The following ABHD17C variants were observed in gnomAD, a reference collection of about 807,000 sequenced individuals.
ABHD17C encodes alpha/beta hydrolase domain-containing protein 17C.
A neutral mutation model predicts 27.9 loss-of-function variants in ABHD17C; 11 were observed. The observed-to-expected ratio is 0.39, with a 90% CI of 0.25 to 0.65. ABHD17C has a LOEUF of 0.65. Ranked by LOEUF, ABHD17C falls within the 30% of genes least tolerant of loss-of-function variation. The pLI is 0.45. For missense variants in ABHD17C, 280 were observed against 470.2 expected, an observed-to-expected ratio of 0.60 and a Z score of 3.74; for synonymous variants, 233 against 209.1, an observed-to-expected ratio of 1.11 and a Z score of -0.98.
At chr15:80,700,628 C>T (rs1034649842) in intron 1 of ABHD17C, among the ~76,000 whole-genome samples, 3 of 152,048 alleles carry the variant, frequency 2.0e-5, no homozygotes, top group Non-Finnish European at 4.4e-5. Context: ...CTGGGTGTGG[C>T]GGCTCATACC....
intron 1 of ABHD17C, among the ~76,000 whole-genome samples, chr15:80,723,654 C>T (rs568409494): frequency 9.8e-5 from 15 of 152,294 alleles, no homozygotes; most frequent in East Asian, 7.7e-4. Flanking sequence ...TTAGGTCAAG[C>T]GGATGTTTGC....
intron 1 of ABHD17C, among the ~76,000 whole-genome samples, chr15:80,713,075 C>A (rs1894748622): frequency 1.3e-5 from 2 of 151,854 alleles, no homozygotes; most frequent in African/African-American, 4.8e-5. Flanking sequence ...CTTATTACTA[C>A]TTTGTAAGTC....
At chr15:80,696,925 C>G (rs1251714945) in intron 1 of ABHD17C, among the ~76,000 whole-genome samples, 3 of 152,108 alleles carry the variant, frequency 2.0e-5, no homozygotes, top group East Asian at 1.9e-4. Flanking sequence ...TCCGACCTGC[C>G]TCATAGCAGT....
At chr15:80,717,586 A>G (rs531139192) in intron 1 of ABHD17C, among the ~76,000 whole-genome samples, 48 of 152,062 alleles carry the variant, frequency 3.2e-4, no homozygotes, top group Non-Finnish European at 6.0e-4. Context: ...TATTTTCATC[A>G]TGTTAGCCAG....
At chr15:80,753,841 A>T (rs867169557) in intron 2 of ABHD17C, among the ~76,000 whole-genome samples, 1 of 152,240 alleles carries the variant, frequency 6.6e-6, no homozygotes, top group Non-Finnish European at 1.5e-5. Flanking sequence ...CTGTTATGAT[A>T]TGTTAATGTA....
At chr15:80,710,918 A>G (rs548792996) in intron 1 of ABHD17C, among the ~76,000 whole-genome samples, 1 of 152,172 alleles carries the variant, frequency 6.6e-6, no homozygotes, top group East Asian at 1.9e-4. Flanking sequence ...TGAGTGGCTC[A>G]GGATTGTGGG....
At chr15:80,735,854 C>G (rs1414661765) in intron 1 of ABHD17C, among the ~76,000 whole-genome samples, 1 of 135,962 alleles carries the variant, frequency 7.4e-6, no homozygotes, top group Non-Finnish European at 1.6e-5. Context: ...ATCTCATTTC[C>G]TTCATTATTT....
intron 1 of ABHD17C, among the ~76,000 whole-genome samples, chr15:80,724,359 T>A (rs1392571749): frequency 2.0e-5 from 3 of 152,034 alleles, no homozygotes; most frequent in African/African-American, 7.2e-5. Flanking sequence ...AAAAAACCCC[T>A]TATCATTTGT....
intron 1 of ABHD17C, among the ~76,000 whole-genome samples, chr15:80,728,283 T>C (rs879276593): frequency 1.3e-5 from 2 of 152,190 alleles, no homozygotes; most frequent in South Asian, 2.1e-4. Flanking sequence ...CTCACCTACC[T>C]ACAAACTCAC....
intron 1 of ABHD17C, among the ~76,000 whole-genome samples, chr15:80,711,577 G>A (rs546898661): frequency 6.6e-6 from 1 of 152,294 alleles, no homozygotes; most frequent in South Asian, 2.1e-4. Context: ...ACTCGGTGTG[G>A]ACTAGTGTTT....
intron 1 of ABHD17C, among the ~76,000 whole-genome samples, chr15:80,745,698 T>C (rs758003456): frequency 6.6e-6 from 1 of 152,186 alleles, no homozygotes; most frequent in Non-Finnish European, 1.5e-5. Flanking sequence ...TCACTGGTGG[T>C]GACGGGTGCA....
chr15:80,711,217 C>G (rs1256335756), intron 1 of ABHD17C, among the ~76,000 whole-genome samples: 2 of 152,034 alleles, frequency 1.3e-5, no homozygotes, highest in Non-Finnish European at 2.9e-5. Flanking sequence ...GTGTTGCCAC[C>G]AGGCCTTTAA....
intron 2 of ABHD17C, among the ~76,000 whole-genome samples, chr15:80,751,459 AG>A (rs1270082594): frequency 2.0e-5 from 3 of 152,218 alleles, no homozygotes; most frequent in African/African-American, 7.2e-5. Context: ...CGGTAATTAG[AG>A]GACAGGCACA....
chr15:80,696,082 TGGGGCCCCTGGGGCGGCCTGCCAGGAGA>T (rs1894490537), intron 1 of ABHD17C, 63 bp downstream of exon 1: 6 of 1,439,154 alleles, frequency 4.2e-6, no homozygotes, highest in Non-Finnish European at 5.6e-6. Flanking sequence ...GGGGGTCTCT[TGGGGCCCCTGGGGCGGCCTGCCAGGAGA>T]GGGGCCCCTC....
At position 80,755,300 on chromosome 15, in the gene ABHD17C, G is replaced by A. The variant is rs1895418334; in HGVS notation, c.*930G>A. On this transcript the variant is annotated 3_prime_UTR_variant, in exon 3 of 3. Coordinates refer to ENST00000258884, the MANE Select transcript of ABHD17C (RefSeq NM_021214.2). ...TCCAAGACAAAAATTCCAAGTTTAT[G>A]CTTTGAAGAATTTATGTAATTAAAA... The A allele has an allele frequency of 6.6e-6, 1 of 152,096 alleles. No individual in the cohort carries two copies. Among genetic ancestry groups the A allele is most frequent in the Non-Finnish European group, 1.5e-5 (1 of 68,014 alleles). 9.4% of individuals were successfully genotyped at this position (152,096 alleles called of 1,614,324 possible).
intron 1 of ABHD17C, among the ~76,000 whole-genome samples, chr15:80,716,154 C>CT (rs1894801161): frequency 6.6e-6 from 1 of 152,160 alleles, no homozygotes; most frequent in Non-Finnish European, 1.5e-5. Flanking sequence ...ATGCCTAACT[C>CT]TAAGAGGTAA....
At chr15:80,708,290 A>AT (rs1894676186) in intron 1 of ABHD17C, among the ~76,000 whole-genome samples, 1 of 151,062 alleles carries the variant, frequency 6.6e-6, no homozygotes, top group South Asian at 2.1e-4. Flanking sequence ...ATTCTTCTCT[A>AT]TTTTTTTGTT....
chr15:80,706,594 T>G (rs1894652435), intron 1 of ABHD17C, among the ~76,000 whole-genome samples: 1 of 152,224 alleles, frequency 6.6e-6, no homozygotes, highest in Non-Finnish European at 1.5e-5. Context: ...CCACAAAAAG[T>G]GAGTTTCCAG....
chr15:80,707,694 A>ATAAGGGAAC (rs1894667438), intron 1 of ABHD17C, among the ~76,000 whole-genome samples: 1 of 152,178 alleles, frequency 6.6e-6, no homozygotes, highest in African/African-American at 2.4e-5. Flanking sequence ...CTTAAGGCAG[A>ATAAGGGAAC]TAAGGGAACT....
Sources: gnomAD v4.1 joint callset for allele counts (sites outside exome capture counted in the v4.1 genomes callset) on GRCh38, gnomAD v4.1.1 for gene constraint, MANE v1.5 for transcripts, NCBI Gene and HGNC (gene_info 2026-07-23, HGNC 2026-07-21) for gene names.